CHCHD3: variants seen among roughly 807,000 people sequenced by gnomAD.
The protein encoded by CHCHD3 is coiled-coil-helix-coiled-coil-helix domain containing 3, also known as MICOS complex subunit MIC19.
Under a neutral mutation model 38.2 loss-of-function variants are expected in CHCHD3, and 20 were observed. The observed-to-expected ratio is 0.52, with a 90% confidence interval of 0.37 to 0.76. CHCHD3 has a LOEUF of 0.76. CHCHD3 is among the 30% of genes least tolerant of loss of function. The pLI is 0.00. For synonymous variants in CHCHD3, 82 were observed against 100.0 expected (o/e 0.82, Z 1.07); for missense variants, 245 against 279.2 (o/e 0.88, Z 0.87).
chr7:132,974,639 GC>G (rs1262387996), intron 4 of CHCHD3, among the ~76,000 whole-genome samples: 2 of 152,196 alleles, frequency 1.3e-5, no homozygotes, highest in African/African-American at 4.8e-5. Flanking sequence ...AGTTTGGGAA[GC>G]CGAGGCGGGT....
At chr7:132,940,518 A>G (rs1333888806) in intron 4 of CHCHD3, among the ~76,000 whole-genome samples, 2 of 152,176 alleles carry the variant, frequency 1.3e-5, no homozygotes, top group South Asian at 2.1e-4. Context: ...AAAGTGGTGG[A>G]GCGGTTCAGG....
intron 3 of CHCHD3, among the ~76,000 whole-genome samples, chr7:132,981,561 G>A (rs1457447405): frequency 6.6e-6 from 1 of 152,164 alleles, no homozygotes; most frequent in Admixed American, 6.5e-5. Context: ...GTTTGCCAGA[G>A]TCTAAATTAT....
chr7:133,034,884 A>G (rs1584661092), intron 2 of CHCHD3: 3 of 1,610,716 alleles, frequency 1.9e-6, no homozygotes, highest in Non-Finnish European at 2.5e-6. Flanking sequence ...CAGTCGCTGG[A>G]ACATTCCAGT....
chr7:132,929,060 A>G (rs918194729), intron 4 of CHCHD3, among the ~76,000 whole-genome samples: 1 of 152,214 alleles, frequency 6.6e-6, no homozygotes, highest in African/African-American at 2.4e-5. Context: ...TACTTCTTCA[A>G]GGTACATAAT....
rs1387841928 is a variant in CHCHD3, at chr7:133,070,145, AG to A, written c.165del (p.Ser56GlnfsTer7). 1.9e-6 allele frequency: 3 copies of A among 1,608,138 alleles called. No individual in the cohort carries two copies. The African/African-American group carries it at 4.0e-5, about 22-fold the overall frequency. ...KSQRYSGAYG[A>X]SVSDEELKRR... is the part of the protein sequence containing the mutation. ...TAAAATTAAAATTCAGCAATACCTG[AG>A]GCACCATAAGCACCAGAATACCGCT... On this transcript the variant is annotated frameshift_variant, in exon 2 of 8. Coordinates refer to ENST00000262570, the MANE Select transcript of CHCHD3 (RefSeq NM_017812.4). LOFTEE classifies it high-confidence loss of function.
chr7:133,008,782 T>C (rs2117406165), intron 3 of CHCHD3, among the ~76,000 whole-genome samples: 1 of 152,214 alleles, frequency 6.6e-6, no homozygotes, highest in Admixed American at 6.5e-5. Context: ...GTATCGATTT[T>C]AATATAACAT....
chr7:132,951,929 T>C (rs1005704279), intron 4 of CHCHD3, among the ~76,000 whole-genome samples: 21 of 152,132 alleles, frequency 1.4e-4, no homozygotes, highest in Admixed American at 3.3e-4. Context: ...AGTGCTCTCT[T>C]CTCTAAGACC....
At chr7:132,794,891 G>C (rs749246383) in intron 7 of CHCHD3, among the ~76,000 whole-genome samples, 7 of 152,190 alleles carry the variant, frequency 4.6e-5, no homozygotes, top group Non-Finnish European at 8.8e-5. Context: ...AAAAGGACAG[G>C]GTACAAACCC....
At chr7:132,923,811 T>C (rs62465283) in intron 4 of CHCHD3, among the ~76,000 whole-genome samples, 1 of 152,200 alleles carries the variant, frequency 6.6e-6, no homozygotes, top group African/African-American at 2.4e-5. Context: ...TGTAAACACT[T>C]TGCTATCCTA....
chr7:133,082,029 C>A lies in CHCHD3; in HGVS notation c.-92G>T. The A allele has an allele frequency of 8.3e-7, 1 of 1,202,286 alleles. No individual in the cohort carries two copies. The allele number at this position is 1,202,286 out of a possible 1,614,324, so 74.5% of individuals were successfully genotyped here. On this transcript the variant is annotated 5_prime_UTR_variant, in exon 1 of 8. Transcript: ENST00000262570. ...ACACGCGCGTGGAAGGGCCTGGATT[C>A]TTTTCCCGCACAGCGGGAGCAAGGC...
rs116048084 is a variant in CHCHD3, at chr7:132,877,566, T to C, written c.453+8096A>G. Reference sequence around the variant, plus strand: ...ACAATTAACATCTAAGTGCATTTACTTAAACTATCATTACTTGTTGATGAT... The same window carrying C: ...ACAATTAACATCTAAGTGCATTTACCTAAACTATCATTACTTGTTGATGAT... On this transcript the variant is annotated intron_variant, in intron 5 of 7. Transcript: ENST00000262570. 6.9e-3 allele frequency among the ~76,000 whole-genome samples: 1,049 copies of C among 152,344 alleles called. 14 individuals are homozygous for C. Among genetic ancestry groups the C allele is most frequent in the African/African-American group, 0.024 (996 of 41,588 alleles).
chr7:133,015,714 CCACTTA>C (rs1813010187), intron 3 of CHCHD3, among the ~76,000 whole-genome samples: 1 of 152,200 alleles, frequency 6.6e-6, no homozygotes, highest in Non-Finnish European at 1.5e-5. Flanking sequence ...CCGAGCCCCA[CCACTTA>C]CTTGATAGAT....
At chr7:132,879,596 G>A (rs900561860) in intron 5 of CHCHD3, among the ~76,000 whole-genome samples, 2 of 151,542 alleles carry the variant, frequency 1.3e-5, no homozygotes, top group Non-Finnish European at 2.9e-5. Flanking sequence ...GATAACCACG[G>A]TCCTACCCCT....
At chr7:132,942,120 T>C (rs768719905) in intron 4 of CHCHD3, among the ~76,000 whole-genome samples, 2 of 152,020 alleles carry the variant, frequency 1.3e-5, no homozygotes, top group Non-Finnish European at 2.9e-5. Flanking sequence ...TCTAGGCCTA[T>C]ATTCATTGGC....
At position 133,031,289 on chromosome 7, in the gene CHCHD3, G is replaced by A. The variant is rs138516308; in HGVS notation, c.170-6662C>T. Among the ~76,000 whole-genome samples the A allele has an allele frequency of 2.5e-3, 380 of 152,146 alleles. 3 individuals are homozygous for A. The highest frequency in any genetic ancestry group is 8.5e-3 in the African/African-American group (354 of 41,522). On this transcript the variant is annotated intron_variant, in intron 2 of 7. Coordinates refer to ENST00000262570, the MANE Select transcript of CHCHD3 (RefSeq NM_017812.4). The stretch of plus-strand genomic sequence containing the variant: ...AAGATATGAAGGGAGGGAATGGTAC[G>A]GGGAGACATAATTATACATTTTAGA...
chr7:132,999,222 G>A (rs929608527), intron 3 of CHCHD3, among the ~76,000 whole-genome samples: 2 of 152,102 alleles, frequency 1.3e-5, no homozygotes, highest in Non-Finnish European at 2.9e-5. Flanking sequence ...ATAATCTAGA[G>A]TTAGAATATC....
intron 3 of CHCHD3, among the ~76,000 whole-genome samples, chr7:132,980,569 T>C (rs1251250055): frequency 2.0e-5 from 3 of 152,198 alleles, no homozygotes; most frequent in South Asian, 2.1e-4. Flanking sequence ...AGTAATTGGA[T>C]AGCTTGCCTA....
chr7:132,959,671 C>T (rs896250863), intron 4 of CHCHD3, among the ~76,000 whole-genome samples: 1 of 144,894 alleles, frequency 6.9e-6, no homozygotes, highest in Non-Finnish European at 1.5e-5. Flanking sequence ...TGCAGTGAGC[C>T]GAGATCGTGC....
At chr7:132,971,039 A>G (rs1811600903) in intron 4 of CHCHD3, among the ~76,000 whole-genome samples, 1 of 152,222 alleles carries the variant, frequency 6.6e-6, no homozygotes, top group South Asian at 2.1e-4. Flanking sequence ...TGGAATTTTA[A>G]AAAGAAAATA....
Sources: gnomAD v4.1 joint callset for allele counts (sites outside exome capture counted in the v4.1 genomes callset) on GRCh38, gnomAD v4.1.1 for gene constraint, MANE v1.5 for transcripts, NCBI Gene and HGNC (gene_info 2026-07-23, HGNC 2026-07-21) for gene names.